The following FCHO2 variants were observed in gnomAD, a reference collection of about 807,000 sequenced individuals.
FCHO2 encodes F-BAR domain only protein 2.
In FCHO2, 43 loss-of-function variants were observed where a neutral mutation model predicts 114.1. That is an observed-to-expected ratio of 0.38 (90% confidence interval 0.30 to 0.49). The LOEUF (loss-of-function observed/expected upper bound fraction) is 0.49. Among genes scored for constraint, FCHO2 ranks in the 20% least tolerant of loss-of-function variants. The pLI, the probability that FCHO2 is intolerant of heterozygous loss-of-function variation, is 0.97. For missense variants in FCHO2, 807 were observed against 950.4 expected, an observed-to-expected ratio of 0.85 and a Z score of 1.98; for synonymous variants, 293 against 315.2, an observed-to-expected ratio of 0.93 and a Z score of 0.75.
intron 6 of FCHO2, among the ~76,000 whole-genome samples, chr5:73,010,464 G>C (rs1047997568): frequency 6.6e-6 from 1 of 152,098 alleles, no homozygotes; most frequent in Non-Finnish European, 1.5e-5. Flanking sequence ...TAGGATTAGC[G>C]TACTTTTATA....
chr5:72,960,980 A>C (rs1751826759), intron 1 of FCHO2, among the ~76,000 whole-genome samples: 1 of 152,144 alleles, frequency 6.6e-6, no homozygotes, highest in Non-Finnish European at 1.5e-5. Flanking sequence ...AACAAACAAC[A>C]ATTAGGTATT....
intron 5 of FCHO2, among the ~76,000 whole-genome samples, chr5:72,998,271 A>G (rs1561434792): frequency 6.6e-6 from 1 of 152,024 alleles, no homozygotes. Context: ...GTGGATCACG[A>G]GGTCAGGAGA....
chr5:73,087,900 C>G (rs922611861), intron 25 of FCHO2, 147 bp downstream of exon 25: 1 of 1,385,306 alleles, frequency 7.2e-7, no homozygotes, highest in African/African-American at 1.4e-5. Flanking sequence ...TAGAGACACA[C>G]CTGGGAGAGA....
intron 5 of FCHO2, among the ~76,000 whole-genome samples, chr5:73,001,959 G>A (rs935548270): frequency 6.6e-6 from 1 of 150,936 alleles, no homozygotes; most frequent in East Asian, 1.9e-4. Context: ...CTTAAAAAGA[G>A]TACCTTCTTT....
At chr5:72,988,166 G>A (rs186609707) in intron 2 of FCHO2, among the ~76,000 whole-genome samples, 21 of 152,242 alleles carry the variant, frequency 1.4e-4, no homozygotes, top group Admixed American at 6.5e-4. Flanking sequence ...CAGGCCGGGC[G>A]CAGTGGCTCA....
At chr5:72,968,629 A>G (rs775396453) in intron 2 of FCHO2, 40 bp downstream of exon 2, 11 of 1,337,024 alleles carry the variant, frequency 8.2e-6, no homozygotes, top group Non-Finnish European at 1.0e-5. Context: ...TAACAACTTA[A>G]TAGCAATTTA....
At chr5:73,025,313 AT>A (rs763993069) in intron 8 of FCHO2, among the ~76,000 whole-genome samples, 1 of 151,022 alleles carries the variant, frequency 6.6e-6, no homozygotes, top group East Asian at 1.9e-4. Context: ...AGTTCAAGCG[AT>A]TCTACTGCCT....
At chr5:72,965,818 A>G (rs997833563) in intron 1 of FCHO2, among the ~76,000 whole-genome samples, 1 of 152,226 alleles carries the variant, frequency 6.6e-6, no homozygotes, top group Non-Finnish European at 1.5e-5. Flanking sequence ...TGTCTATTAA[A>G]TGTCCATAAG....
chr5:72,965,467 C>G (rs1287602424), intron 1 of FCHO2, among the ~76,000 whole-genome samples: 2 of 152,232 alleles, frequency 1.3e-5, no homozygotes, highest in East Asian at 3.9e-4. Flanking sequence ...TTGCTTGACA[C>G]GATTGCCACA....
At chr5:73,003,320 T>A (rs904864686) in intron 5 of FCHO2, among the ~76,000 whole-genome samples, 7 of 152,150 alleles carry the variant, frequency 4.6e-5, no homozygotes, top group Admixed American at 1.3e-4. Context: ...GCTTATTTTT[T>A]AAAAATTTTT....
At chr5:73,060,957 CA>C (rs1190677792) in intron 17 of FCHO2, among the ~76,000 whole-genome samples, 43 of 148,790 alleles carry the variant, frequency 2.9e-4, no homozygotes, top group African/African-American at 1.0e-3. Context: ...TGTTAAGTGC[CA>C]ATGTAGATTA....
intron 17 of FCHO2, among the ~76,000 whole-genome samples, chr5:73,062,772 C>G (rs1182967503): frequency 6.6e-6 from 1 of 152,050 alleles, no homozygotes; most frequent in Non-Finnish European, 1.5e-5. Context: ...TCTCTTCCTA[C>G]TACCTCTATG....
At chr5:72,971,650 T>G (rs1473822184) in intron 2 of FCHO2, among the ~76,000 whole-genome samples, 1 of 152,212 alleles carries the variant, frequency 6.6e-6, no homozygotes, top group Non-Finnish European at 1.5e-5. Context: ...ATTTTGTAGG[T>G]TGCCTGTTCA....
chr5:73,084,789 A>G lies in FCHO2; in HGVS notation c.2245+1964A>G, dbSNP rs2112897386. On this transcript the variant is annotated intron_variant, in intron 24 of 25. Transcript: ENST00000430046. ...GAGCCATACATTGGGTGAAATAACC[A>G]AGCAAATCTTCAGTTTCTTTTTTGC... is the stretch of plus-strand genomic sequence containing the variant. Among the ~76,000 whole-genome samples the G allele has an allele frequency of 1.3e-5, 2 of 152,322 alleles. 1 individual carries two copies. The highest frequency in any genetic ancestry group is 4.2e-4 in the South Asian group (2 of 4,818).
rs377083344 is a variant in FCHO2 at position 73,008,297 on chromosome 5, G to A, written c.600+1748G>A. The stretch of plus-strand genomic sequence containing the variant: ...TAGAGTATGTCTAAAGGAGAATCAA[G>A]AGTCCAGTTTGGAAGTCAGTATAGT... On this transcript the variant is annotated intron_variant, in intron 6 of 25. Coordinates refer to ENST00000430046, the MANE Select transcript of FCHO2 (RefSeq NM_138782.3). Among the ~76,000 whole-genome samples the A allele has an allele frequency of 1.2e-4, 19 of 152,282 alleles. No homozygotes were observed. The East Asian group carries it at 3.7e-3, about 29-fold the overall frequency.
At chr5:72,982,735 TA>T (rs374385578) in intron 2 of FCHO2, among the ~76,000 whole-genome samples, 13 of 152,268 alleles carry the variant, frequency 8.5e-5, no homozygotes, top group Admixed American at 2.6e-4. Flanking sequence ...TGTTATCTTC[TA>T]GGGGTTTTGT....
intron 2 of FCHO2, among the ~76,000 whole-genome samples, chr5:72,970,983 GAA>G (rs1459791008): frequency 1.3e-5 from 2 of 152,104 alleles, no homozygotes; most frequent in Non-Finnish European, 2.9e-5. Context: ...AGTTTACTGA[GAA>G]TGATGATTTC....
At chr5:73,015,074 TCAAA>T (rs1755231469) in intron 6 of FCHO2, among the ~76,000 whole-genome samples, 1 of 46,390 alleles carries the variant, frequency 2.2e-5, no homozygotes, top group African/African-American at 9.5e-5. Flanking sequence ...AGACTCCGTC[TCAAA>T]AAAAAAAAAA....
Position 73,010,626 on chromosome 5 carries a change from C to T in FCHO2, c.600+4077C>T, listed in dbSNP as rs141362911. ...GCATGGTGGCTCACGCCTGTAATCC[C>T]AGCACTTTTGGAGGCTGAGGTGGAC... On this transcript the variant is annotated intron_variant, in intron 6 of 25. Coordinates refer to ENST00000430046, the MANE Select transcript of FCHO2 (RefSeq NM_138782.3). Among the ~76,000 whole-genome samples, 359 of 152,098 alleles carry T rather than the reference C, an allele frequency of 2.4e-3. 3 individuals are homozygous for T. In the East Asian group the frequency reaches 0.033, roughly 14 times the overall value.
Sources: allele counts gnomAD v4.1 joint callset (sites outside exome capture counted in the v4.1 genomes callset), GRCh38; gene constraint gnomAD v4.1.1; transcripts MANE v1.5; gene names NCBI Gene and HGNC (gene_info 2026-07-23, HGNC 2026-07-21).